AHI1: variants seen among roughly 807,000 people sequenced by gnomAD.
AHI1 encodes Abelson helper integration site 1.
In AHI1, 123 loss-of-function variants were observed where a neutral mutation model predicts 149.3. The observed-to-expected ratio is 0.82, with a 90% CI of 0.71 to 0.96. AHI1 has a LOEUF of 0.96. Ranked by LOEUF, AHI1 falls within the 40% of genes least tolerant of loss-of-function variation. AHI1 has a pLI of 0.00. For synonymous variants in AHI1, 475 were observed against 459.8 expected (o/e 1.03, Z -0.42); for missense variants, 1,439 against 1,422.7 (o/e 1.01, Z -0.18).
rs1781819899 is a variant in AHI1 at position 135,287,432 on chromosome 6, T to TC, written c.3589-1786dup. Among the ~76,000 whole-genome samples the TC allele has an allele frequency of 2.0e-5, 3 of 152,222 alleles. No individual in the cohort carries two copies. The South Asian group carries it at 6.2e-4, about 32-fold the overall frequency. ...GAGAAAAGAGACAGAATAAAGATGG[T>TC]CATGTGCACCCTTCGGACACTGGCG... On this transcript the variant is annotated intron_variant, in intron 28 of 28. Transcript: ENST00000265602.
chr6:135,411,384 C>G lies in AHI1; in HGVS notation c.2925G>C (p.Lys975Asn). Reference protein sequence around the residue: ...EFVHTESSSTKMQLVKQRLET... With the variant: ...EFVHTESSSTNMQLVKQRLET... ...CAAGCCTCTGTTTTACTAGCTGCAT[C>G]TTCGTTGAAGAACTTTCAGTGTGGA... is the stretch of plus-strand genomic sequence containing the variant. The change falls in exon 21 of 29, where the codon AAG (lysine) becomes AAC (asparagine). Residue 975 changes from lysine to asparagine, a missense_variant. Coordinates refer to ENST00000265602, the MANE Select transcript of AHI1 (RefSeq NM_001134831.2). The G allele has an allele frequency of 6.2e-7, 1 of 1,613,838 alleles. No individual in the cohort carries two copies. Among genetic ancestry groups the G allele is most frequent in the Non-Finnish European group, 8.5e-7 (1 of 1,179,772 alleles).
chr6:135,310,498 C>A (rs899206633), intron 26 of AHI1, among the ~76,000 whole-genome samples: 2 of 152,098 alleles, frequency 1.3e-5, no homozygotes, highest in African/African-American at 4.8e-5. Context: ...AGCAGCTGTT[C>A]CTGAAAATAA....
chr6:135,363,375 C>T (rs371335021), intron 23 of AHI1, among the ~76,000 whole-genome samples: 3 of 151,362 alleles, frequency 2.0e-5, no homozygotes, highest in South Asian at 2.1e-4. Context: ...GTAAGGTCAC[C>T]GATCAACAGG....
rs1790713679 is a variant in AHI1, at chr6:135,466,124, C to T, written c.439G>A (p.Glu147Lys). The change falls in exon 7 of 29, where the codon GAG becomes AAG. Residue 147 changes from glutamate to lysine, a missense_variant. Physicochemically the swap from Glu to Lys is moderately conservative, Grantham distance 56. Transcript: ENST00000265602. Reference sequence around the variant, plus strand: ...TGGTGTGTAGAATCAACCTTATTCTCAGGAGTTTCCGGTTTCAGGTCTTGT... The same window carrying T: ...TGGTGTGTAGAATCAACCTTATTCTTAGGAGTTTCCGGTTTCAGGTCTTGT... ...TTQDLKPETP[E>K]NKVDSTHQKT... 1.2e-6 allele frequency: 2 copies of T among 1,613,836 alleles called. No individual in the cohort carries two copies. Among genetic ancestry groups the T allele is most frequent in the Non-Finnish European group, 1.7e-6 (2 of 1,179,824 alleles).
At chr6:135,426,985 T>A (rs1783996727) in intron 20 of AHI1, among the ~76,000 whole-genome samples, 182 bp downstream of exon 20, 1 of 151,842 alleles carries the variant, frequency 6.6e-6, no homozygotes, top group African/African-American at 2.4e-5. Context: ...AATTTTTAGG[T>A]GAATTCTATT....
Position 135,413,024 on chromosome 6 carries a change from A to T in AHI1, c.2765-1480T>A, listed in dbSNP as rs562609786. Among the ~76,000 whole-genome samples the T allele has an allele frequency of 2.0e-5, 3 of 152,312 alleles. No homozygotes were observed. In the South Asian group the frequency reaches 6.2e-4, roughly 32 times the overall value. ...GATTTTGTAACATGAACATTTAAAGAGTCTTCATTAAAATAAAAAAACTTG... is the reference window on the plus strand; with the variant it reads ...GATTTTGTAACATGAACATTTAAAGTGTCTTCATTAAAATAAAAAAACTTG... On this transcript the variant is annotated intron_variant, in intron 20 of 28. Transcript: ENST00000265602.
chr6:135,454,450 G>A (rs1466351166), intron 10 of AHI1, among the ~76,000 whole-genome samples: 1 of 152,056 alleles, frequency 6.6e-6, no homozygotes, highest in Non-Finnish European at 1.5e-5. Context: ...TGATCTAAAT[G>A]TAGGTTATTT....
At chr6:135,473,430 T>C (rs981630997) in intron 5 of AHI1, among the ~76,000 whole-genome samples, 2 of 152,204 alleles carry the variant, frequency 1.3e-5, no homozygotes, top group African/African-American at 4.8e-5. Flanking sequence ...CTAGGTCTGT[T>C]GTTTACAGTT....
chr6:135,361,491 G>A (rs1028821770), intron 23 of AHI1, among the ~76,000 whole-genome samples: 14 of 152,000 alleles, frequency 9.2e-5, no homozygotes, highest in African/African-American at 3.4e-4. Context: ...TAGGTTAATA[G>A]CCATTTTCTT....
intron 24 of AHI1, among the ~76,000 whole-genome samples, chr6:135,349,635 A>G (rs1452708294): frequency 6.6e-6 from 1 of 152,224 alleles, no homozygotes; most frequent in Non-Finnish European, 1.5e-5. Context: ...CCACATTATA[A>G]CATAAGGAAG....
intron 15 of AHI1, among the ~76,000 whole-genome samples, chr6:135,433,850 A>G (rs994591301): frequency 6.6e-6 from 1 of 152,032 alleles, no homozygotes; most frequent in African/African-American, 2.4e-5. Context: ...AGACTATCCT[A>G]CATTAAGCAC....
At chr6:135,354,792 A>G (rs989396098) in intron 24 of AHI1, among the ~76,000 whole-genome samples, 1 of 152,176 alleles carries the variant, frequency 6.6e-6, no homozygotes, top group African/African-American at 2.4e-5. Context: ...TTCTATTATC[A>G]ATAGTACAGT....
At chr6:135,452,349 A>C (rs889993404) in intron 11 of AHI1, among the ~76,000 whole-genome samples, 1 of 152,254 alleles carries the variant, frequency 6.6e-6, no homozygotes, top group Non-Finnish European at 1.5e-5. Flanking sequence ...AAATTAAAAT[A>C]TCCTTTTTTA....
chr6:135,460,112 A>G (rs1414572617), intron 8 of AHI1, among the ~76,000 whole-genome samples: 1 of 152,018 alleles, frequency 6.6e-6, no homozygotes, highest in Non-Finnish European at 1.5e-5. Flanking sequence ...GAACCTGGGA[A>G]GTATAAGTTG....
chr6:135,304,272 T>A (rs1784274477), intron 26 of AHI1, among the ~76,000 whole-genome samples: 1 of 152,090 alleles, frequency 6.6e-6, no homozygotes, highest in Non-Finnish European at 1.5e-5. Context: ...AGGTTAGCCT[T>A]AAACTCCTGG....
At chr6:135,491,590 A>G (rs72980279) in intron 4 of AHI1, among the ~76,000 whole-genome samples, 3,609 of 152,290 alleles carry the variant, frequency 0.024, 69 homozygotes, top group Non-Finnish European at 0.037. Flanking sequence ...AATTATTTTT[A>G]TATCTATATA....
chr6:135,414,908 C>CACCA (rs961196893), intron 20 of AHI1, among the ~76,000 whole-genome samples: 1 of 151,026 alleles, frequency 6.6e-6, no homozygotes, highest in African/African-American at 2.4e-5. Context: ...TGGTGTGCTG[C>CACCA]ACCCATTAAC....
chr6:135,463,444 T>C (rs1054279635), intron 7 of AHI1, 138 bp from the exon 8 acceptor site: 10 of 662,370 alleles, frequency 1.5e-5, no homozygotes, highest in Non-Finnish European at 2.3e-5. Flanking sequence ...GAGATGCATG[T>C]ATTTTCTTAT....
intron 14 of AHI1, among the ~76,000 whole-genome samples, chr6:135,441,312 T>C (rs760091406): frequency 6.7e-5 from 10 of 150,262 alleles, no homozygotes; most frequent in Non-Finnish European, 1.5e-4. Flanking sequence ...TGAAGAAAAA[T>C]AGAAAAGTTT....
Sources: gnomAD v4.1 joint callset for allele counts (sites outside exome capture counted in the v4.1 genomes callset) on GRCh38, gnomAD v4.1.1 for gene constraint, MANE v1.5 for transcripts, NCBI Gene and HGNC (gene_info 2026-07-23, HGNC 2026-07-21) for gene names.